PRDM10: variants seen among roughly 807,000 people sequenced by gnomAD.
The protein encoded by PRDM10 is PR/SET domain 10.
A neutral mutation model predicts 133.1 loss-of-function variants in PRDM10; 65 were observed. The ratio of observed to expected loss-of-function variants is 0.49; its 90% CI spans 0.40 to 0.60. The LOEUF (loss-of-function observed/expected upper bound fraction) is 0.60. PRDM10 is among the 20% of genes least tolerant of loss of function. The pLI is 0.00. For missense variants in PRDM10, 1,137 were observed against 1,507.1 expected (o/e 0.75, Z 4.07); for synonymous variants, 582 against 580.4 (o/e 1.00, Z -0.04).
chr11:129,972,969 C>A (rs780582577), intron 1 of PRDM10, among the ~76,000 whole-genome samples: 4 of 152,150 alleles, frequency 2.6e-5, no homozygotes, highest in African/African-American at 2.4e-5. Flanking sequence ...AAGAGACGAG[C>A]CCTCCCTCCT....
chr11:129,902,809 G>A (rs181520416), intron 20 of PRDM10, among the ~76,000 whole-genome samples: 12 of 152,284 alleles, frequency 7.9e-5, no homozygotes, highest in African/African-American at 2.9e-4. Context: ...ACATGCCGTT[G>A]CAATGCTCCT....
At chr11:129,968,877 C>A (rs983018165) in intron 1 of PRDM10, among the ~76,000 whole-genome samples, 5 of 152,194 alleles carry the variant, frequency 3.3e-5, no homozygotes, top group Non-Finnish European at 5.9e-5. Flanking sequence ...ACATAGCAAA[C>A]GATGAGTGCA....
chr11:129,988,919 G>A (rs977386959), intron 1 of PRDM10, among the ~76,000 whole-genome samples: 2 of 152,074 alleles, frequency 1.3e-5, no homozygotes, highest in Non-Finnish European at 2.9e-5. Flanking sequence ...GTGAGCCACT[G>A]CGCCCGGCCA....
In PRDM10 at chr11:129,917,111, A is replaced by C. The variant is rs1950382578; in HGVS notation, c.2325+16T>G. On this transcript the variant is annotated intron_variant, in intron 15 of 20. Transcript: ENST00000360871. ...GGAACCCCAGTGGCATACCAATATG[A>C]ATATTTCCCTTTTACCTTATCGCAA... 1 of 1,572,072 alleles carries C rather than the reference A, an allele frequency of 6.4e-7. No individual in the cohort carries two copies. The highest frequency in any genetic ancestry group is 1.4e-5 in the African/African-American group (1 of 73,836).
chr11:129,937,019 T>G (rs1951055351), intron 8 of PRDM10, among the ~76,000 whole-genome samples: 1 of 152,236 alleles, frequency 6.6e-6, no homozygotes, highest in South Asian at 2.1e-4. Context: ...GCACAAAAAG[T>G]GTACATATCA....
intron 2 of PRDM10, 21 bp downstream of exon 2, chr11:129,960,875 C>A: frequency 1.9e-6 from 3 of 1,613,832 alleles, no homozygotes; most frequent in Non-Finnish European, 2.5e-6. Context: ...CAATACCAAG[C>A]TGGAAAAGAC....
chr11:129,970,858 T>A (rs566404170), intron 1 of PRDM10, among the ~76,000 whole-genome samples: 1 of 152,150 alleles, frequency 6.6e-6, no homozygotes, highest in South Asian at 2.1e-4. Flanking sequence ...CCTTCTTTTT[T>A]AAGTGTTAAA....
rs1382017748 is a variant in PRDM10 at position 129,910,545 on chromosome 11, G to T, written c.3094C>A (p.Gln1032Lys). The change falls in exon 19 of 21, where the codon CAG becomes AAG. Residue 1032 changes from glutamine (Q) to lysine (K), a missense_variant. This residue lies in a region of PRDM10 where 243 missense variants were observed against 259.2 expected (regional missense o/e 0.94). Coordinates refer to ENST00000360871, the MANE Select transcript of PRDM10 (RefSeq NM_199437.2). ...TGCACAGAGGAATTCTGCTGCTGCTGCTGCTGCTGCTGCAGAGCCTGCCCC... is the reference window on the plus strand; with the variant it reads ...TGCACAGAGGAATTCTGCTGCTGCTTCTGCTGCTGCTGCAGAGCCTGCCCC... ...TQGQALQQQQ[Q>K]QQQNSSVQHT... 6 of 1,614,050 alleles carry T rather than the reference G, an allele frequency of 3.7e-6. No individual in the cohort carries two copies.
At chr11:129,934,918 T>C (rs7948010) in intron 9 of PRDM10, among the ~76,000 whole-genome samples, 183 bp downstream of exon 9, 88,986 of 152,162 alleles carry the variant, frequency 0.58, 28,510 homozygotes, top group African/African-American at 0.86. Context: ...CTGGAAAAGA[T>C]GGATAATAGT....
intron 11 of PRDM10, among the ~76,000 whole-genome samples, chr11:129,926,710 C>G (rs1565467175): frequency 6.6e-6 from 1 of 152,186 alleles, no homozygotes; most frequent in Non-Finnish European, 1.5e-5. Context: ...AACAGCAATT[C>G]TGTGATCTTC....
intron 1 of PRDM10, among the ~76,000 whole-genome samples, 185 bp downstream of exon 1, chr11:130,002,537 C>A (rs2136024838): frequency 6.6e-6 from 1 of 152,086 alleles, no homozygotes; most frequent in African/African-American, 2.4e-5. Context: ...TTTCTCCCCC[C>A]CACCACCACC....
intron 19 of PRDM10, among the ~76,000 whole-genome samples, chr11:129,909,796 T>G (rs1950129284): frequency 6.6e-6 from 1 of 152,154 alleles, no homozygotes; most frequent in African/African-American, 2.4e-5. Context: ...ACAGCACGAA[T>G]CTCAGGGCTT....
intron 17 of PRDM10, among the ~76,000 whole-genome samples, chr11:129,912,919 G>A (rs188250744): frequency 4.9e-4 from 75 of 152,020 alleles, no homozygotes; most frequent in African/African-American, 1.8e-3. Context: ...AATTAGCTGG[G>A]TGTGGTGGCG....
At chr11:129,990,724 G>A (rs772557720) in intron 1 of PRDM10, among the ~76,000 whole-genome samples, 6 of 151,978 alleles carry the variant, frequency 3.9e-5, no homozygotes, top group South Asian at 2.1e-4. Flanking sequence ...CTCCCACTTC[G>A]GCCCCCCAAA....
intron 3 of PRDM10, among the ~76,000 whole-genome samples, chr11:129,956,173 C>A (rs914392390): frequency 6.6e-6 from 1 of 152,114 alleles, no homozygotes; most frequent in African/African-American, 2.4e-5. Flanking sequence ...CATGATGCAG[C>A]AAAGCTAACT....
In PRDM10 at chr11:129,901,398, C is replaced by G. The variant is rs1949840518; in HGVS notation, c.*915G>C. 1 of 152,562 alleles carries G rather than the reference C, an allele frequency of 6.6e-6. No individual in the cohort carries two copies. Among genetic ancestry groups the G allele is most frequent in the Admixed American group, 6.5e-5 (1 of 15,280 alleles). The allele number at this position is 152,562 out of a possible 1,614,324, so 9.5% of individuals were successfully genotyped here. On this transcript the variant is annotated 3_prime_UTR_variant, in exon 21 of 21. Coordinates refer to ENST00000360871, the MANE Select transcript of PRDM10 (RefSeq NM_199437.2). ...CACTTGGTAAGAACAAGGAATATATCCTTTACCAATGAATGATAAATGGAT... is the reference window on the plus strand; with the variant it reads ...CACTTGGTAAGAACAAGGAATATATGCTTTACCAATGAATGATAAATGGAT...
chr11:129,953,397 G>A (rs1360766441), intron 4 of PRDM10, among the ~76,000 whole-genome samples: 2 of 151,956 alleles, frequency 1.3e-5, no homozygotes, highest in African/African-American at 4.8e-5. Context: ...TGGTTCAAGC[G>A]ATTCTCCTGC....
chr11:129,974,657 C>A (rs1234427915), intron 1 of PRDM10, among the ~76,000 whole-genome samples: 4 of 152,216 alleles, frequency 2.6e-5, no homozygotes, highest in African/African-American at 9.6e-5. Flanking sequence ...TCCACAGTTA[C>A]ATCTGAGGAC....
chr11:129,975,201 TG>T (rs1937690006), intron 1 of PRDM10, among the ~76,000 whole-genome samples: 1 of 152,086 alleles, frequency 6.6e-6, no homozygotes. Context: ...CCGAGGCAGG[TG>T]AATCACCTGA....
Sources: gnomAD v4.1 joint callset for allele counts (sites outside exome capture counted in the v4.1 genomes callset) on GRCh38, gnomAD v4.1.1 for gene constraint, gnomAD v4.1.1 regional missense constraint, MANE v1.5 for transcripts, NCBI Gene and HGNC (gene_info 2026-07-23, HGNC 2026-07-21) for gene names.